CSMD1: variants seen among roughly 807,000 people sequenced by gnomAD.
CSMD1 encodes CUB and Sushi multiple domains 1, also known as CUB and sushi domain-containing protein 1.
A neutral mutation model predicts 417.5 loss-of-function variants in CSMD1; 213 were observed. The ratio of observed to expected loss-of-function variants is 0.51; its 90% confidence interval spans 0.46 to 0.57. CSMD1 has a LOEUF of 0.57. Among genes scored for constraint, CSMD1 ranks in the 20% least tolerant of loss-of-function variants. The probability of loss-of-function intolerance (pLI) is 0.00; values close to 1 mark genes in which losing one functional copy is unlikely to be tolerated. For synonymous variants in CSMD1, 2,862 were observed against 1,736.8 expected, an observed-to-expected ratio of 1.65 and a Z score of -16.11; for missense variants, 6,923 against 4,529.7, an observed-to-expected ratio of 1.53 and a Z score of -15.17.
At chr8:3,444,225 G>A (rs1455657078) in intron 12 of CSMD1, among the ~76,000 whole-genome samples, 1 of 152,128 alleles carries the variant, frequency 6.6e-6, no homozygotes, top group African/African-American at 2.4e-5. Context: ...TGGGCTGGAT[G>A]ACTAATTTCA....
rs565720652 is a variant in CSMD1, at chr8:3,175,189, A to T, written c.5725+5921T>A. On this transcript the variant is annotated intron_variant, in intron 37 of 69. Transcript: ENST00000635120. ...ACTAAAGAAAAGTAATACTTTGAAC[A>T]TTCAACTATACTAAAAATGTAGAAA... Among the ~76,000 whole-genome samples the T allele has an allele frequency of 2.4e-3, 369 of 152,364 alleles. 1 individual carries two copies. The highest frequency in any genetic ancestry group is 8.4e-3 in the African/African-American group (350 of 41,592).
intron 3 of CSMD1, among the ~76,000 whole-genome samples, chr8:4,175,688 G>T (rs1434498226): frequency 6.6e-6 from 1 of 152,104 alleles, no homozygotes; most frequent in African/African-American, 2.4e-5. Context: ...TATACATAAT[G>T]TCCTCACAGA....
chr8:3,066,870 A>C (rs2128996491), intron 49 of CSMD1, among the ~76,000 whole-genome samples: 1 of 152,336 alleles, frequency 6.6e-6, no homozygotes, highest in Non-Finnish European at 1.5e-5. Flanking sequence ...CAGAGTTATT[A>C]ACAGTTAATA....
At chr8:4,007,050 G>A (rs900399549) in intron 4 of CSMD1, among the ~76,000 whole-genome samples, 6 of 151,892 alleles carry the variant, frequency 4.0e-5, no homozygotes, top group African/African-American at 1.5e-4. Context: ...GTGTTAGCCA[G>A]GATGGTCTCG....
intron 5 of CSMD1, among the ~76,000 whole-genome samples, chr8:3,947,056 C>G (rs1811276949): frequency 1.3e-5 from 2 of 152,086 alleles, no homozygotes; most frequent in South Asian, 2.1e-4. Context: ...TGCTTGGTAA[C>G]TTCATTACAT....
intron 5 of CSMD1, among the ~76,000 whole-genome samples, chr8:3,778,447 C>G (rs775080420): frequency 6.6e-6 from 1 of 152,198 alleles, no homozygotes; most frequent in Admixed American, 6.5e-5. Flanking sequence ...TCCAGCCATC[C>G]CAAGGTGCCC....
intron 1 of CSMD1, among the ~76,000 whole-genome samples, chr8:4,792,949 T>G (rs1343095435): frequency 1.3e-5 from 2 of 149,826 alleles, no homozygotes; most frequent in African/African-American, 4.9e-5. Context: ...AAATTATATA[T>G]GTATATGGAA....
intron 1 of CSMD1, among the ~76,000 whole-genome samples, chr8:4,913,708 C>A (rs779521915): frequency 6.6e-6 from 1 of 152,132 alleles, no homozygotes; most frequent in Admixed American, 6.5e-5. Flanking sequence ...TACAATTAAT[C>A]TTAGGAAGAA....
At chr8:3,745,161 A>G (rs1380420285) in intron 6 of CSMD1, among the ~76,000 whole-genome samples, 1 of 152,244 alleles carries the variant, frequency 6.6e-6, no homozygotes, top group African/African-American at 2.4e-5. Flanking sequence ...CAAAATATCT[A>G]TGAAAAACCA....
chr8:4,353,612 A>G (rs967397393), intron 3 of CSMD1, among the ~76,000 whole-genome samples: 4 of 152,078 alleles, frequency 2.6e-5, no homozygotes, highest in Non-Finnish European at 4.4e-5. Context: ...TAAGGCAACT[A>G]AAGAGCAGAG....
intron 25 of CSMD1, among the ~76,000 whole-genome samples, chr8:3,307,108 T>TTAAAAGA (rs1415399096): frequency 1.3e-5 from 2 of 152,178 alleles, no homozygotes; most frequent in Non-Finnish European, 2.9e-5. Context: ...TCTCTTCCTA[T>TTAAAAGA]TAAAAGAACA....
Position 4,737,884 on chromosome 8 carries a change from A to C in CSMD1, c.86-100326T>G, listed in dbSNP as rs185452442. The stretch of plus-strand genomic sequence containing the variant: ...AACCCACAACAACAAAGTTAATCCC[A>C]GATAATAAGGAAATTGATAGCAAAA... On this transcript the variant is annotated intron_variant, in intron 1 of 69. Coordinates refer to ENST00000635120, the MANE Select transcript of CSMD1 (RefSeq NM_033225.6). Among the ~76,000 whole-genome samples, 403 of 152,304 alleles carry C rather than the reference A, an allele frequency of 2.6e-3. 4 individuals are homozygous for C. The Middle Eastern group carries it at 0.027, about 10-fold the overall frequency.
chr8:4,857,168 T>C (rs1013404443), intron 1 of CSMD1, among the ~76,000 whole-genome samples: 2 of 150,630 alleles, frequency 1.3e-5, no homozygotes, highest in African/African-American at 4.9e-5. Flanking sequence ...GAATGACTAC[T>C]GGGTACATAA....
chr8:3,372,889 G>A (rs547223768), intron 18 of CSMD1, among the ~76,000 whole-genome samples: 25 of 152,202 alleles, frequency 1.6e-4, no homozygotes, highest in African/African-American at 6.0e-4. Context: ...ACTAATGCCA[G>A]CGCACCGCGT....
At chr8:4,948,309 T>A (rs1198274552) in intron 1 of CSMD1, among the ~76,000 whole-genome samples, 1 of 152,082 alleles carries the variant, frequency 6.6e-6, no homozygotes, top group East Asian at 1.9e-4. Flanking sequence ...ATAGTTGTTA[T>A]TTTGTTTTCC....
At chr8:4,485,055 T>A (rs114805295) in intron 2 of CSMD1, among the ~76,000 whole-genome samples, 1 of 148,010 alleles carries the variant, frequency 6.8e-6, no homozygotes, top group South Asian at 2.2e-4. Flanking sequence ...TTTCTTCCCA[T>A]TTTCTACTCA....
At chr8:4,516,253 G>T (rs1803116943) in intron 2 of CSMD1, among the ~76,000 whole-genome samples, 1 of 152,114 alleles carries the variant, frequency 6.6e-6, no homozygotes, top group Non-Finnish European at 1.5e-5. Context: ...GGGGCCTTCT[G>T]CAAGCCAAGG....
At chr8:3,728,747 T>C (rs1802642605) in intron 6 of CSMD1, among the ~76,000 whole-genome samples, 1 of 152,198 alleles carries the variant, frequency 6.6e-6, no homozygotes, top group Non-Finnish European at 1.5e-5. Flanking sequence ...TCTTAAGTTA[T>C]GGAGCTGAAC....
intron 55 of CSMD1, among the ~76,000 whole-genome samples, chr8:2,978,328 C>A (rs1038253911): frequency 6.6e-6 from 1 of 152,114 alleles, no homozygotes; most frequent in East Asian, 1.9e-4. Flanking sequence ...TGAAGGCAAG[C>A]CATGAGAAAA....
Sources: gnomAD v4.1 joint callset for allele counts (sites outside exome capture counted in the v4.1 genomes callset) on GRCh38, gnomAD v4.1.1 for gene constraint, MANE v1.5 for transcripts, NCBI Gene and HGNC (gene_info 2026-07-23, HGNC 2026-07-21) for gene names.